SPIDR: variants seen among roughly 807,000 people sequenced by gnomAD.
SPIDR encodes DNA repair-scaffolding protein.
SPIDR carries 93 observed loss-of-function variants against 104.6 expected under a neutral mutation model. The ratio of observed to expected loss-of-function variants is 0.89; its 90% CI spans 0.75 to 1.06. The LOEUF (loss-of-function observed/expected upper bound fraction) is 1.06, where lower values mean the gene tolerates loss of function less well. Among genes scored for constraint, SPIDR ranks in the 50% least tolerant of loss-of-function variants. The probability of loss-of-function intolerance (pLI) is 0.00; values close to 1 mark genes in which losing one functional copy is unlikely to be tolerated. For missense variants in SPIDR, 1,154 were observed against 1,111.2 expected, an observed-to-expected ratio of 1.04 and a Z score of -0.55; for synonymous variants, 431 against 416.9, an observed-to-expected ratio of 1.03 and a Z score of -0.41.
intron 11 of SPIDR, among the ~76,000 whole-genome samples, chr8:47,680,821 T>C (rs2076999938): frequency 6.6e-6 from 1 of 152,092 alleles, no homozygotes; most frequent in South Asian, 2.1e-4. Flanking sequence ...TAAGATAGAG[T>C]GCTGGGCTGG....
intron 5 of SPIDR, among the ~76,000 whole-genome samples, chr8:47,368,996 C>T (rs1587802101): frequency 1.3e-5 from 2 of 152,114 alleles, no homozygotes; most frequent in South Asian, 2.1e-4. Flanking sequence ...TCTCTGTGTC[C>T]AGTATGTGTT....
intron 10 of SPIDR, among the ~76,000 whole-genome samples, chr8:47,662,108 C>A (rs149072085): frequency 7.9e-5 from 12 of 152,204 alleles, no homozygotes; most frequent in Non-Finnish European, 1.5e-4. Flanking sequence ...CCAGTGCAGG[C>A]GCTCTGTCCC....
At chr8:47,535,613 T>A (rs1244626366) in intron 8 of SPIDR, among the ~76,000 whole-genome samples, 2 of 151,992 alleles carry the variant, frequency 1.3e-5, no homozygotes, top group Admixed American at 1.3e-4. Flanking sequence ...ACCAACAGGC[T>A]AAAGAAGAAA....
intron 16 of SPIDR, among the ~76,000 whole-genome samples, chr8:47,720,090 C>T (rs1266792788): frequency 6.6e-6 from 1 of 152,238 alleles, no homozygotes; most frequent in Non-Finnish European, 1.5e-5. Flanking sequence ...TCCAGAATGT[C>T]ATATAGTTGG....
At chr8:47,492,629 G>C (rs1200409981) in intron 8 of SPIDR, among the ~76,000 whole-genome samples, 1 of 152,024 alleles carries the variant, frequency 6.6e-6, no homozygotes, top group Non-Finnish European at 1.5e-5. Flanking sequence ...CTGGTTACCT[G>C]CCTACTTCTG....
chr8:47,408,063 ACT>A, intron 7 of SPIDR, 102 bp downstream of exon 7: 1 of 587,728 alleles, frequency 1.7e-6, no homozygotes. Flanking sequence ...TATTTTCATG[ACT>A]TTTTAAAAAT....
chr8:47,626,617 G>A (rs1343819114), intron 10 of SPIDR, among the ~76,000 whole-genome samples: 4 of 152,188 alleles, frequency 2.6e-5, no homozygotes, highest in Non-Finnish European at 5.9e-5. Flanking sequence ...CATTTATGCA[G>A]CCAGAAAACA....
chr8:47,450,367 A>G (rs1190302919), intron 8 of SPIDR, among the ~76,000 whole-genome samples: 1 of 152,148 alleles, frequency 6.6e-6, no homozygotes, highest in Admixed American at 6.5e-5. Context: ...TCCTATGGTA[A>G]TGACATAAAT....
At chr8:47,676,947 A>AT (rs2076523451) in intron 11 of SPIDR, among the ~76,000 whole-genome samples, 1 of 152,238 alleles carries the variant, frequency 6.6e-6, no homozygotes, top group Non-Finnish European at 1.5e-5. Context: ...TGTTTCTCTG[A>AT]CGGACTAATT....
intron 5 of SPIDR, among the ~76,000 whole-genome samples, chr8:47,367,570 A>T (rs1430093935): frequency 6.6e-6 from 1 of 152,242 alleles, no homozygotes; most frequent in African/African-American, 2.4e-5. Context: ...TACAGGTAGT[A>T]TAGACCATTA....
intron 5 of SPIDR, among the ~76,000 whole-genome samples, chr8:47,359,882 A>G (rs1554628683): frequency 6.6e-6 from 1 of 152,200 alleles, no homozygotes; most frequent in Admixed American, 6.5e-5. Flanking sequence ...TATTTTCTAC[A>G]TATGTATGCA....
chr8:47,710,613 C>T (rs1460795693), intron 14 of SPIDR, among the ~76,000 whole-genome samples: 2 of 152,076 alleles, frequency 1.3e-5, no homozygotes, highest in African/African-American at 4.8e-5. Context: ...GGATTACATC[C>T]ATGTGCCTCC....
chr8:47,515,278 C>T (rs1239235858), intron 8 of SPIDR, among the ~76,000 whole-genome samples: 1 of 152,224 alleles, frequency 6.6e-6, no homozygotes, highest in Non-Finnish European at 1.5e-5. Context: ...TGAGGAATTA[C>T]TTACAGAATT....
chr8:47,313,603 G>A (rs930552109), intron 5 of SPIDR, among the ~76,000 whole-genome samples: 10 of 152,114 alleles, frequency 6.6e-5, no homozygotes, highest in African/African-American at 1.2e-4. Flanking sequence ...CCGCATTGCC[G>A]AGTCAATCCT....
intron 8 of SPIDR, among the ~76,000 whole-genome samples, chr8:47,552,766 G>A (rs568413754): frequency 2.0e-5 from 3 of 152,090 alleles, no homozygotes; most frequent in Non-Finnish European, 4.4e-5. Flanking sequence ...TTACATTTAA[G>A]GTTAATATTG....
In SPIDR at chr8:47,590,922, G is replaced by A. The variant is rs527910082; in HGVS notation, c.1098-4889G>A. 2.0e-5 allele frequency among the ~76,000 whole-genome samples: 3 copies of A among 152,202 alleles called. No homozygotes were observed. The East Asian group carries it at 5.8e-4, about 29-fold the overall frequency. On this transcript the variant is annotated intron_variant, in intron 8 of 19. Coordinates refer to ENST00000297423, the MANE Select transcript of SPIDR (RefSeq NM_001080394.4). Reference sequence around the variant, plus strand: ...TGCCTTTCTATATTTGGAGTTTTCTGTGCTCTGAAATCTACTTCATCTGAT... The same window carrying A: ...TGCCTTTCTATATTTGGAGTTTTCTATGCTCTGAAATCTACTTCATCTGAT...
At chr8:47,397,403 G>T (rs1247139806) in intron 6 of SPIDR, among the ~76,000 whole-genome samples, 1 of 152,152 alleles carries the variant, frequency 6.6e-6, no homozygotes, top group African/African-American at 2.4e-5. Context: ...GGCCGAGGCA[G>T]GAGAATTGCT....
At chr8:47,589,296 G>A (rs1191083353) in intron 8 of SPIDR, among the ~76,000 whole-genome samples, 5 of 151,814 alleles carry the variant, frequency 3.3e-5, no homozygotes, top group South Asian at 2.1e-4. Context: ...CGAGGGCGGC[G>A]GATCACTAGG....
At chr8:47,587,199 T>G (rs566769403) in intron 8 of SPIDR, among the ~76,000 whole-genome samples, 1 of 152,244 alleles carries the variant, frequency 6.6e-6, no homozygotes, top group Non-Finnish European at 1.5e-5. Flanking sequence ...TACGTTTATA[T>G]TCATCATCAA....
Sources: gnomAD v4.1 joint callset for allele counts (sites outside exome capture counted in the v4.1 genomes callset) on GRCh38, gnomAD v4.1.1 for gene constraint, MANE v1.5 for transcripts, NCBI Gene and HGNC (gene_info 2026-07-23, HGNC 2026-07-21) for gene names.